REEP1: variants seen among roughly 807,000 people sequenced by gnomAD.
The protein encoded by REEP1 is receptor accessory protein 1.
REEP1 carries 22 observed loss-of-function variants against 40.3 expected under a neutral mutation model. The observed-to-expected ratio is 0.55, with a 90% CI of 0.39 to 0.78. The LOEUF (loss-of-function observed/expected upper bound fraction) is 0.78. Ranked by LOEUF, REEP1 falls within the 30% of genes least tolerant of loss-of-function variation. The pLI is 0.00. For synonymous variants in REEP1, 116 were observed against 139.2 expected, an observed-to-expected ratio of 0.83 and a Z score of 1.17; for missense variants, 280 against 361.1, an observed-to-expected ratio of 0.78 and a Z score of 1.82.
At chr2:86,245,150 C>G (rs979126937) in intron 5 of REEP1, among the ~76,000 whole-genome samples, 3 of 151,564 alleles carry the variant, frequency 2.0e-5, no homozygotes, top group Non-Finnish European at 4.4e-5. Flanking sequence ...GTCTCAAAAA[C>G]AAAGGGGGTG....
chr2:86,332,332 ATG>A (rs1680807604), intron 1 of REEP1, among the ~76,000 whole-genome samples: 1 of 151,810 alleles, frequency 6.6e-6, no homozygotes, highest in Non-Finnish European at 1.5e-5. Context: ...CCAGCTGGGC[ATG>A]TGTGTGGCTC....
chr2:86,217,510 CTCAAATTTCCATCA>C (rs1453694431), intron 8 of REEP1, among the ~76,000 whole-genome samples: 8 of 152,074 alleles, frequency 5.3e-5, no homozygotes, highest in Non-Finnish European at 1.0e-4. Flanking sequence ...TGGTACATGC[CTCAAATTTCCATCA>C]TCAAATTTCC....
intron 1 of REEP1, among the ~76,000 whole-genome samples, chr2:86,288,442 C>T (rs1678525357): frequency 6.6e-6 from 1 of 152,162 alleles, no homozygotes; most frequent in African/African-American, 2.4e-5. Flanking sequence ...AGGTATGTGC[C>T]ACCTGCATCC....
At chr2:86,318,400 CTTTT>C (rs775382572) in intron 1 of REEP1, among the ~76,000 whole-genome samples, 2 of 52,904 alleles carry the variant, frequency 3.8e-5, no homozygotes, top group Non-Finnish European at 4.6e-5. Context: ...CTTTTCTTTT[CTTTT>C]TTTTTTTTTT....
At chr2:86,222,425 T>G (rs4832255) in intron 7 of REEP1, among the ~76,000 whole-genome samples, 118,744 of 152,130 alleles carry the variant, frequency 0.78, 48,128 homozygotes, top group South Asian at 0.9. Flanking sequence ...CCTAAGAAGA[T>G]AAGACATCTC....
chr2:86,244,015 G>A (rs951762173), intron 5 of REEP1, among the ~76,000 whole-genome samples: 6 of 152,154 alleles, frequency 3.9e-5, no homozygotes, highest in African/African-American at 9.7e-5. Flanking sequence ...TCTCTTCTCC[G>A]TCCTTGGAAA....
intron 7 of REEP1, among the ~76,000 whole-genome samples, chr2:86,226,596 GT>G (rs1674720307): frequency 6.7e-6 from 1 of 148,522 alleles, no homozygotes; most frequent in East Asian, 2.0e-4. Flanking sequence ...AGCCTCTCAA[GT>G]AGTTGGGACT....
chr2:86,338,075 A>T (rs1441161787), upstream of REEP1: 3 of 1,537,238 alleles, frequency 2.0e-6, no homozygotes, highest in East Asian at 2.4e-5. Flanking sequence ...CACTTTCTGC[A>T]TAAGAAACAA....
At chr2:86,295,222 T>C (rs1678920938) in intron 1 of REEP1, among the ~76,000 whole-genome samples, 2 of 152,136 alleles carry the variant, frequency 1.3e-5, no homozygotes. Context: ...TTCTGGACCT[T>C]GCTCCCGAGT....
At chr2:86,249,140 T>C (rs572656835) in intron 5 of REEP1, among the ~76,000 whole-genome samples, 5 of 151,970 alleles carry the variant, frequency 3.3e-5, no homozygotes, top group Admixed American at 3.3e-4. Flanking sequence ...GCGCCTATAA[T>C]CCCAGCTACT....
intron 2 of REEP1, among the ~76,000 whole-genome samples, chr2:86,267,119 G>A (rs1677191914): frequency 6.6e-6 from 1 of 152,258 alleles, no homozygotes; most frequent in East Asian, 1.9e-4. Flanking sequence ...AACATAGTGA[G>A]AGCCCATGAT....
rs557155039 is a variant in REEP1, at chr2:86,217,043, G to A, written c.851C>T (p.Thr284Met). 9 of 1,613,524 alleles carry A rather than the reference G, an allele frequency of 5.6e-6. No homozygotes were observed. In the African/African-American group the frequency reaches 8.0e-5, roughly 14 times the overall value. Residue 284 changes from threonine (T) to methionine (M), a missense_variant, in exon 9 of 9, where the codon ACG becomes ATG. By Grantham distance (81) the Thr-to-Met change is moderately conservative. Coordinates refer to ENST00000538924, the MANE Select transcript of REEP1 (RefSeq NM_001371279.1). ...GGTGCTGTTGGCTCATCTCACTCAC[G>A]TGGTTTCGGTGGCCGAGGATGAGGT... ...KSTSSSATET[T>M]
intron 2 of REEP1, among the ~76,000 whole-genome samples, chr2:86,270,302 T>C (rs1677370389): frequency 6.6e-6 from 1 of 152,204 alleles, no homozygotes; most frequent in South Asian, 2.1e-4. Flanking sequence ...GCTCAAGTGA[T>C]TCTCCTGCCT....
At chr2:86,253,300 G>T (rs1370549137) in intron 4 of REEP1, among the ~76,000 whole-genome samples, 1 of 152,058 alleles carries the variant, frequency 6.6e-6, no homozygotes, top group East Asian at 1.9e-4. Context: ...CCAAAAAAAG[G>T]CTGTTTTTCA....
At chr2:86,301,034 T>C (rs781583537) in intron 1 of REEP1, among the ~76,000 whole-genome samples, 3 of 152,144 alleles carry the variant, frequency 2.0e-5, no homozygotes, top group Non-Finnish European at 4.4e-5. Flanking sequence ...AATTAAGCAG[T>C]ATCCAGATGT....
chr2:86,311,063 T>C (rs1679740596), intron 1 of REEP1, among the ~76,000 whole-genome samples: 1 of 152,142 alleles, frequency 6.6e-6, no homozygotes, highest in Non-Finnish European at 1.5e-5. Context: ...GAGATGGCAC[T>C]CTGGAGAGGG....
At chr2:86,275,400 G>A (rs1341394800) in intron 2 of REEP1, among the ~76,000 whole-genome samples, 2 of 152,202 alleles carry the variant, frequency 1.3e-5, no homozygotes, top group Admixed American at 6.5e-5. Flanking sequence ...TGATTACAGA[G>A]GGACTGCCCT....
chr2:86,248,708 C>A (rs867356444), intron 5 of REEP1, among the ~76,000 whole-genome samples: 117 of 152,222 alleles, frequency 7.7e-4, no homozygotes, highest in African/African-American at 2.8e-3. Flanking sequence ...CCTCGGCCTC[C>A]CAAAGTGCTG....
chr2:86,239,414 A>G (rs59254005), intron 5 of REEP1, among the ~76,000 whole-genome samples: 3 of 152,124 alleles, frequency 2.0e-5, no homozygotes, highest in Non-Finnish European at 4.4e-5. Flanking sequence ...ACTTGACACA[A>G]TATCTAATGC....
Sources: allele counts gnomAD v4.1 joint callset (sites outside exome capture counted in the v4.1 genomes callset), GRCh38; gene constraint gnomAD v4.1.1; transcripts MANE v1.5; gene names NCBI Gene and HGNC (gene_info 2026-07-23, HGNC 2026-07-21).